Variants in COL23A1 observed in about 807,000 individuals in gnomAD.
COL23A1 encodes the protein collagen alpha-1(XXIII) chain.
A neutral mutation model predicts 99.3 loss-of-function variants in COL23A1; 97 were observed. That is an observed-to-expected ratio of 0.98 (90% CI 0.83 to 1.16). The LOEUF (loss-of-function observed/expected upper bound fraction) is 1.16, where lower values mean the gene tolerates loss of function less well. Among genes scored for constraint, COL23A1 ranks in the 50% most tolerant of loss-of-function variants. The pLI, the probability that COL23A1 is intolerant of heterozygous loss-of-function variation, is 0.00. For missense variants in COL23A1, 762 were observed against 757.4 expected, an observed-to-expected ratio of 1.01 and a Z score of -0.07; for synonymous variants, 320 against 308.2, an observed-to-expected ratio of 1.04 and a Z score of -0.40.
intron 2 of COL23A1, among the ~76,000 whole-genome samples, chr5:178,427,099 C>T (rs1321053917): frequency 1.3e-5 from 2 of 152,208 alleles, no homozygotes; most frequent in Admixed American, 1.3e-4. Flanking sequence ...ACTGGGGAGG[C>T]TGAGGCAGGA....
chr5:178,400,789 C>T (rs1029946885), intron 2 of COL23A1, among the ~76,000 whole-genome samples: 1 of 152,140 alleles, frequency 6.6e-6, no homozygotes, highest in Non-Finnish European at 1.5e-5. Context: ...AGGCACCTGC[C>T]ACTACGCCCG....
chr5:178,431,555 G>A (rs1375855693), intron 2 of COL23A1, among the ~76,000 whole-genome samples: 1 of 152,232 alleles, frequency 6.6e-6, no homozygotes, highest in Non-Finnish European at 1.5e-5. Context: ...TGGAAGATCA[G>A]ATACAGAAGA....
intron 3 of COL23A1, among the ~76,000 whole-genome samples, chr5:178,301,740 G>T (rs754753594): frequency 2.0e-5 from 3 of 152,160 alleles, no homozygotes; most frequent in Non-Finnish European, 4.4e-5. Context: ...TTGATCCAAC[G>T]TCTCCCACTC....
intron 2 of COL23A1, among the ~76,000 whole-genome samples, chr5:178,332,053 C>T (rs1760058746): frequency 6.6e-6 from 1 of 152,202 alleles, no homozygotes; most frequent in Non-Finnish European, 1.5e-5. Context: ...GCACTGTGTG[C>T]TCAGGAGCCT....
At chr5:178,247,627 C>G in intron 21 of COL23A1, 75 bp from the exon 22 acceptor site, 2 of 1,595,986 alleles carry the variant, frequency 1.3e-6, no homozygotes, top group Admixed American at 1.7e-5. Flanking sequence ...CCCCTGGGGC[C>G]CTGTCCTGGG....
chr5:178,247,740 C>A (rs771492131), intron 21 of COL23A1, 35 bp downstream of exon 21: 2 of 1,608,376 alleles, frequency 1.2e-6, no homozygotes, highest in Admixed American at 3.3e-5. Flanking sequence ...GGTTTCCTGG[C>A]TGCTTCAAAC....
At chr5:178,486,484 C>T (rs767503524) in intron 2 of COL23A1, among the ~76,000 whole-genome samples, 27 of 152,024 alleles carry the variant, frequency 1.8e-4, no homozygotes, top group South Asian at 6.3e-4. Context: ...AAGACACGGC[C>T]GTTAGCAAAA....
intron 2 of COL23A1, among the ~76,000 whole-genome samples, chr5:178,480,350 G>A (rs191352886): frequency 2.0e-5 from 3 of 151,980 alleles, no homozygotes; most frequent in South Asian, 2.1e-4. Context: ...TGGATCCACC[G>A]GTCACCTCGG....
At chr5:178,413,511 G>T (rs1385609523) in intron 2 of COL23A1, among the ~76,000 whole-genome samples, 2 of 152,292 alleles carry the variant, frequency 1.3e-5, no homozygotes, top group Non-Finnish European at 2.9e-5. Flanking sequence ...TTCTACTTCA[G>T]TGCTTGGAAT....
chr5:178,482,988 C>T (rs1385118251), intron 2 of COL23A1, among the ~76,000 whole-genome samples: 1 of 152,046 alleles, frequency 6.6e-6, no homozygotes, highest in Non-Finnish European at 1.5e-5. Context: ...AGGAGGATTG[C>T]TTGAGCCCAA....
chr5:178,308,385 T>A lies in COL23A1; in HGVS notation c.362-1466A>T, dbSNP rs1561847476. On this transcript the variant is annotated intron_variant, in intron 2 of 28. Transcript: ENST00000390654. This position sits in a 1 kb window ranked among gnomAD's most constrained non-coding sequence, Gnocchi z 5.1. Reference sequence around the variant, plus strand: ...AAATGAAAAACATGTTACTTCTTGCTCCCCTGAGTTTTAAGGGCAAAAGTG... The same window carrying A: ...AAATGAAAAACATGTTACTTCTTGCACCCCTGAGTTTTAAGGGCAAAAGTG... Among the ~76,000 whole-genome samples, 1 of 152,142 alleles carries A rather than the reference T, an allele frequency of 6.6e-6. No individual in the cohort carries two copies. The highest frequency in any genetic ancestry group is 1.5e-5 in the Non-Finnish European group (1 of 68,024).
chr5:178,572,863 C>G (rs1465639392), intron 1 of COL23A1, among the ~76,000 whole-genome samples: 5 of 152,206 alleles, frequency 3.3e-5, no homozygotes, highest in Admixed American at 1.3e-4. Flanking sequence ...AATGAATTAA[C>G]TATTGTGCAA....
At chr5:178,540,547 T>C (rs757374556) in intron 2 of COL23A1, among the ~76,000 whole-genome samples, 4 of 152,210 alleles carry the variant, frequency 2.6e-5, no homozygotes, top group Admixed American at 6.5e-5. Flanking sequence ...AGAGATACCA[T>C]GTTCATGAAT....
At chr5:178,550,093 A>G (rs1036773398) in intron 2 of COL23A1, among the ~76,000 whole-genome samples, 19 of 152,196 alleles carry the variant, frequency 1.2e-4, no homozygotes, top group Admixed American at 6.5e-5. Context: ...CAAATATATC[A>G]TTTCTGGAAT....
rs35710329 is a variant in COL23A1 at position 178,436,646 on chromosome 5, C to T, written c.361+124036G>A. 1.9e-3 allele frequency among the ~76,000 whole-genome samples: 283 copies of T among 152,294 alleles called. 1 individual carries two copies. The highest frequency in any genetic ancestry group is 6.8e-3 in the Middle Eastern group (2 of 294). On this transcript the variant is annotated intron_variant, in intron 2 of 28. Coordinates refer to ENST00000390654, the MANE Select transcript of COL23A1 (RefSeq NM_173465.4). ...GCTTCCCTGTGGCATCCCTGTGCAG[C>T]GGTGGTGACCAGCTAAGCCCTCCTT... is the stretch of plus-strand genomic sequence containing the variant.
chr5:178,383,946 T>G (rs912550599), intron 2 of COL23A1, among the ~76,000 whole-genome samples: 1 of 147,776 alleles, frequency 6.8e-6, no homozygotes. Context: ...GGCTAGAGAG[T>G]TAAGAGAAGA....
intron 2 of COL23A1, among the ~76,000 whole-genome samples, chr5:178,361,928 C>T (rs1380429802): frequency 6.6e-6 from 1 of 152,182 alleles, no homozygotes; most frequent in Non-Finnish European, 1.5e-5. Flanking sequence ...CACTCTGGAA[C>T]TCTGTCTCCA....
At chr5:178,296,422 C>G (rs1047102531) in intron 3 of COL23A1, among the ~76,000 whole-genome samples, 6 of 152,266 alleles carry the variant, frequency 3.9e-5, no homozygotes, top group African/African-American at 9.6e-5. Flanking sequence ...GGCTACCATG[C>G]CCAGGGTCAT....
At chr5:178,264,433 C>A (rs1425957184) in intron 8 of COL23A1, among the ~76,000 whole-genome samples, 1 of 151,992 alleles carries the variant, frequency 6.6e-6, no homozygotes, top group African/African-American at 2.4e-5. Context: ...TGGGGTCAGA[C>A]CTCAGGCAGC....
Sources: gnomAD v4.1 joint callset for allele counts (sites outside exome capture counted in the v4.1 genomes callset) on GRCh38, gnomAD v4.1.1 for gene constraint, Gnocchi (gnomAD v3.1) non-coding constraint, MANE v1.5 for transcripts, NCBI Gene and HGNC (gene_info 2026-07-23, HGNC 2026-07-21) for gene names.